SPAG17: variants seen among roughly 807,000 people sequenced by gnomAD.
The protein encoded by SPAG17 is sperm associated antigen 17, also known as sperm-associated antigen 17.
Under a neutral mutation model 273.6 loss-of-function variants are expected in SPAG17, and 169 were observed. The ratio of observed to expected loss-of-function variants is 0.62; its 90% CI spans 0.55 to 0.70. SPAG17 has a LOEUF of 0.70. Among genes scored for constraint, SPAG17 ranks in the 30% least tolerant of loss-of-function variants. The pLI, the probability that SPAG17 is intolerant of heterozygous loss-of-function variation, is 0.00. For synonymous variants in SPAG17, 825 were observed against 873.2 expected (o/e 0.94, Z 0.97); for missense variants, 2,557 against 2,627.8 (o/e 0.97, Z 0.59).
At chr1:118,087,186 T>A in intron 10 of SPAG17, 178 bp from the exon 11 acceptor site, 2 of 499,102 alleles carry the variant, frequency 4.0e-6, no homozygotes, top group Non-Finnish European at 6.7e-6. Flanking sequence ...AGGAAAAGTG[T>A]TCGCAATCCA....
intron 30 of SPAG17, among the ~76,000 whole-genome samples, chr1:118,009,516 C>T (rs1047451722): frequency 6.6e-6 from 1 of 152,110 alleles, no homozygotes; most frequent in African/African-American, 2.4e-5. Context: ...TAGCAGCTAC[C>T]GTTTCCTTTT....
intron 28 of SPAG17, 123 bp from the exon 29 acceptor site, chr1:118,016,305 T>C (rs1659974273): frequency 1.4e-6 from 1 of 714,062 alleles, no homozygotes; most frequent in Admixed American, 2.8e-5. Flanking sequence ...CAATTCTAAG[T>C]GGTATTCATC....
intron 28 of SPAG17, among the ~76,000 whole-genome samples, chr1:118,022,785 G>C (rs752656277): frequency 4.6e-5 from 7 of 152,256 alleles, no homozygotes; most frequent in Non-Finnish European, 1.0e-4. Context: ...GCCAGGTCTA[G>C]TCAATGACAT....
chr1:118,170,187 T>C (rs899501033), intron 1 of SPAG17, among the ~76,000 whole-genome samples: 5 of 152,162 alleles, frequency 3.3e-5, no homozygotes, highest in African/African-American at 1.2e-4. Flanking sequence ...TAATTCAGTA[T>C]AGAGTTTGGG....
intron 3 of SPAG17, among the ~76,000 whole-genome samples, chr1:118,129,576 C>T (rs888682224): frequency 5.9e-5 from 9 of 152,098 alleles, no homozygotes; most frequent in African/African-American, 2.2e-4. Context: ...GTCAGTTTCA[C>T]CCTTGCCCTT....
At chr1:117,990,191 AAAC>A (rs1240099829) in intron 38 of SPAG17, among the ~76,000 whole-genome samples, 1 of 152,200 alleles carries the variant, frequency 6.6e-6, no homozygotes, top group African/African-American at 2.4e-5. Flanking sequence ...AAATCTGGAT[AAAC>A]AACAACAACA....
At chr1:118,017,247 AT>A (rs1249431316) in intron 28 of SPAG17, among the ~76,000 whole-genome samples, 2 of 152,178 alleles carry the variant, frequency 1.3e-5, no homozygotes, top group Non-Finnish European at 2.9e-5. Flanking sequence ...TTTAGGAATT[AT>A]CTTTTTTTCT....
intron 20 of SPAG17, among the ~76,000 whole-genome samples, chr1:118,050,898 C>T (rs1650930702): frequency 6.6e-6 from 1 of 152,020 alleles, no homozygotes; most frequent in Non-Finnish European, 1.5e-5. Context: ...CAAATGGCAT[C>T]ACGTTAGACT....
At chr1:118,018,433 T>C (rs1191654631) in intron 28 of SPAG17, among the ~76,000 whole-genome samples, 2 of 152,132 alleles carry the variant, frequency 1.3e-5, no homozygotes, top group Non-Finnish European at 2.9e-5. Context: ...ACCACTTGAG[T>C]GGCACCCCCA....
chr1:118,027,816 A>G (rs1388817403), intron 26 of SPAG17, among the ~76,000 whole-genome samples: 1 of 152,206 alleles, frequency 6.6e-6, no homozygotes, highest in Non-Finnish European at 1.5e-5. Flanking sequence ...AACCTATTTA[A>G]TCTACATCTA....
intron 4 of SPAG17, among the ~76,000 whole-genome samples, chr1:118,104,101 A>G (rs113695935): frequency 1.3e-5 from 2 of 152,278 alleles, no homozygotes; most frequent in African/African-American, 4.8e-5. Context: ...ATGATTTTGC[A>G]AGATTGGAAA....
At position 118,099,613 on chromosome 1, in the gene SPAG17, C is replaced by A; in HGVS notation, c.822G>T (p.Gln274His). ...AVNQQQEVLL[Q>H]SEDLEAEKLK... ...GTGTAGCAGACTGCATACCTTCTGA[C>A]TGAAGAAGAACTTCCTGCTGCTGGT... Residue 274 changes from glutamine (Q) to histidine (H), a missense_variant, in exon 6 of 49, where the codon CAG becomes CAT. By Grantham distance (24) the Gln-to-His change is conservative. Coordinates refer to ENST00000336338, the MANE Select transcript of SPAG17 (RefSeq NM_206996.4). 2 of 1,613,970 alleles carry A rather than the reference C, an allele frequency of 1.2e-6. No individual in the cohort carries two copies. The highest frequency in any genetic ancestry group is 1.7e-6 in the Non-Finnish European group (2 of 1,179,878).
At chr1:118,078,602 A>G (rs1346823164) in intron 15 of SPAG17, among the ~76,000 whole-genome samples, 1 of 152,088 alleles carries the variant, frequency 6.6e-6, no homozygotes, top group Non-Finnish European at 1.5e-5. Context: ...GCTTGTTGGC[A>G]TACACCTCTG....
chr1:118,062,291 C>T (rs1463504219), intron 18 of SPAG17, among the ~76,000 whole-genome samples: 13 of 136,054 alleles, frequency 9.6e-5, no homozygotes, highest in Non-Finnish European at 1.5e-4. Flanking sequence ...GGCACGAACC[C>T]GGGAGGCGGA....
chr1:118,074,460 T>C, intron 16 of SPAG17, 79 bp downstream of exon 16: 1 of 1,211,534 alleles, frequency 8.3e-7, no homozygotes, highest in Admixed American at 1.7e-5. Flanking sequence ...CTTTTTTCTT[T>C]TTCAGTGTTT....
rs1651807151 is a variant in SPAG17, at chr1:118,057,298, T to C, written c.2541-1384A>G. Among the ~76,000 whole-genome samples the C allele has an allele frequency of 2.6e-5, 4 of 152,178 alleles. 1 individual carries two copies. The South Asian group carries it at 6.2e-4, about 24-fold the overall frequency. On this transcript the variant is annotated intron_variant, in intron 18 of 48. Coordinates refer to ENST00000336338, the MANE Select transcript of SPAG17 (RefSeq NM_206996.4). ...ATTGGCCTGGTCTAAGCCATTACCA[T>C]CTCTTGCTAGGATTTCTGCAATAGC... is the stretch of plus-strand genomic sequence containing the variant.
intron 1 of SPAG17, among the ~76,000 whole-genome samples, chr1:118,173,384 AAGCTTTC>A (rs1045288698): frequency 2.6e-5 from 4 of 152,102 alleles, no homozygotes; most frequent in African/African-American, 9.7e-5. Context: ...GCAATGTTCT[AAGCTTTC>A]AGTGGGCAGC....
intron 24 of SPAG17, among the ~76,000 whole-genome samples, chr1:118,035,215 C>T (rs772395509): frequency 2.0e-5 from 3 of 152,080 alleles, no homozygotes; most frequent in African/African-American, 7.2e-5. Context: ...TACTTATTAT[C>T]TACACTATAA....
chr1:117,956,746 A>G (rs953632652), intron 48 of SPAG17, among the ~76,000 whole-genome samples: 8 of 152,192 alleles, frequency 5.3e-5, no homozygotes, highest in African/African-American at 1.9e-4. Flanking sequence ...AATAGACTCT[A>G]ATGGACTCAA....
Sources: allele counts gnomAD v4.1 joint callset (sites outside exome capture counted in the v4.1 genomes callset), GRCh38; gene constraint gnomAD v4.1.1; transcripts MANE v1.5; gene names NCBI Gene and HGNC (gene_info 2026-07-23, HGNC 2026-07-21).